The following ZNF516 variants were observed in gnomAD, a reference collection of about 807,000 sequenced individuals.
The protein encoded by ZNF516 is zinc finger protein 516.
In ZNF516, 19 loss-of-function variants were observed where a neutral mutation model predicts 79.7. The ratio of observed to expected loss-of-function variants is 0.24; its 90% CI spans 0.17 to 0.35. ZNF516 has a LOEUF of 0.35. Ranked by LOEUF, ZNF516 falls within the 10% of genes least tolerant of loss-of-function variation. ZNF516 has a pLI of 1.00. For missense variants in ZNF516, 1,678 were observed against 1,679.5 expected (o/e 1.00, Z 0.02); for synonymous variants, 877 against 739.5 (o/e 1.19, Z -3.02).
intron 2 of ZNF516, among the ~76,000 whole-genome samples, chr18:76,447,965 T>TTA (rs1029111761): frequency 1.3e-5 from 2 of 152,312 alleles, no homozygotes; most frequent in African/African-American, 4.8e-5. Flanking sequence ...TTTAAATGCC[T>TTA]TATATAATTT....
chr18:76,447,452 G>C (rs1347910391), intron 2 of ZNF516, among the ~76,000 whole-genome samples: 1 of 152,192 alleles, frequency 6.6e-6, no homozygotes, highest in Non-Finnish European at 1.5e-5. Context: ...TCCGTCCTGG[G>C]CTGCTCTATT....
At chr18:76,483,166 TG>T (rs535745295) in intron 1 of ZNF516, among the ~76,000 whole-genome samples, 1 of 152,342 alleles carries the variant, frequency 6.6e-6, no homozygotes, top group Admixed American at 6.5e-5. Flanking sequence ...CCCAGCTGCC[TG>T]CTTTGCTGGA....
At chr18:76,494,041 G>C (rs1398569421) in intron 1 of ZNF516, 3 of 152,210 alleles carry the variant, frequency 2.0e-5, no homozygotes, top group African/African-American at 7.2e-5. Flanking sequence ...TATTAACGCT[G>C]ATAATAGATG....
rs1001458687 is a variant in ZNF516, at chr18:76,473,397, C to A, written c.-271-10256G>T. ...AAAAAAAACACCTATGACTGAGGAA[C>A]TCGGAAAAGCTGGACACGTAGAGAA... On this transcript the variant is annotated intron_variant, in intron 1 of 6. Transcript: ENST00000443185. 7.7e-5 allele frequency among the ~76,000 whole-genome samples: 11 copies of A among 142,422 alleles called. 1 individual carries two copies. Among genetic ancestry groups the A allele is most frequent in the African/African-American group, 2.6e-4 (10 of 39,046 alleles). The allele number at this position is 142,422 out of a possible 152,430, so 93.4% of individuals were successfully genotyped here.
chr18:76,432,333 C>T (rs2075671439), intron 3 of ZNF516, among the ~76,000 whole-genome samples: 3 of 152,258 alleles, frequency 2.0e-5, no homozygotes, highest in Non-Finnish European at 4.4e-5. Context: ...TCATTACCTG[C>T]TCTCCCCACA....
chr18:76,380,423 C>T, intron 3 of ZNF516, 120 bp from the exon 4 acceptor site: 2 of 1,336,886 alleles, frequency 1.5e-6, no homozygotes, highest in Non-Finnish European at 1.0e-6. Flanking sequence ...AGAAGCCACC[C>T]TTGAGTCTGG....
At chr18:76,412,224 G>T (rs545234244) in intron 3 of ZNF516, among the ~76,000 whole-genome samples, 1 of 152,228 alleles carries the variant, frequency 6.6e-6, no homozygotes, top group African/African-American at 2.4e-5. Context: ...CAAGACCAGC[G>T]AAGGTCGCCG....
At chr18:76,491,640 C>A in intron 1 of ZNF516, 2 of 692,708 alleles carry the variant, frequency 2.9e-6, no homozygotes, top group Non-Finnish European at 3.5e-6. Context: ...CGGCCCTCCT[C>A]CTGGCAGCCC....
intron 3 of ZNF516, among the ~76,000 whole-genome samples, chr18:76,418,462 AAC>A (rs984156328): frequency 1.4e-5 from 2 of 147,116 alleles, no homozygotes; most frequent in Admixed American, 1.3e-4. Context: ...AACATGCTGT[AAC>A]ACGCTACAAC....
intron 2 of ZNF516, among the ~76,000 whole-genome samples, chr18:76,458,889 G>T (rs762228901): frequency 6.6e-6 from 1 of 151,476 alleles, no homozygotes; most frequent in African/African-American, 2.4e-5. Flanking sequence ...GTGTGTGTGC[G>T]TGCCTGTGTG....
intron 3 of ZNF516, 64 bp from the exon 4 acceptor site, chr18:76,380,367 G>A (rs566551994): frequency 5.3e-5 from 82 of 1,560,290 alleles, no homozygotes; most frequent in African/African-American, 9.4e-5. Context: ...CAAGACACAC[G>A]GTGCGTACAG....
Position 76,487,570 on chromosome 18 carries a change from G to A in ZNF516, c.-272+7574C>T, listed in dbSNP as rs143572135. 6.0e-3 allele frequency among the ~76,000 whole-genome samples: 918 copies of A among 152,200 alleles called. 11 individuals are homozygous for A. Among genetic ancestry groups the A allele is most frequent in the African/African-American group, 0.021 (882 of 41,520 alleles). ...TTCTTTCTTCCTCCTCCTCCCATAAGGTTAATTTTATTAATTATTCATAAA... is the reference window on the plus strand; with the variant it reads ...TTCTTTCTTCCTCCTCCTCCCATAAAGTTAATTTTATTAATTATTCATAAA... On this transcript the variant is annotated intron_variant, in intron 1 of 6. Coordinates refer to ENST00000443185, the MANE Select transcript of ZNF516 (RefSeq NM_014643.4).
At position 76,361,005 on chromosome 18, in the gene ZNF516, G is replaced by A. The variant is rs1004334729; in HGVS notation, c.*1493C>T. ...TGCTCTCGCCAGTATTAAAGGTTAG[G>A]ATAATTTCTGTACATGTAAAATTAT... On this transcript the variant is annotated 3_prime_UTR_variant, in exon 7 of 7. Coordinates refer to ENST00000443185, the MANE Select transcript of ZNF516 (RefSeq NM_014643.4). 2.0e-5 allele frequency: 3 copies of A among 151,476 alleles called. No individual in the cohort carries two copies. The highest frequency in any genetic ancestry group is 2.0e-4 in the Admixed American group (3 of 15,206). 9.4% of individuals were successfully genotyped at this position (151,476 alleles called of 1,614,324 possible). A position where few individuals can be genotyped will look rare whatever the true frequency, so the allele number is the denominator to read the frequency against.
chr18:76,362,775 G>A (rs541727304), intron 6 of ZNF516, among the ~76,000 whole-genome samples: 1 of 152,176 alleles, frequency 6.6e-6, no homozygotes, highest in African/African-American at 2.4e-5. Flanking sequence ...CTGCCTTAAA[G>A]AGAGGCAGCT....
At chr18:76,366,802 A>G (rs953225099) in intron 6 of ZNF516, among the ~76,000 whole-genome samples, 11 of 152,230 alleles carry the variant, frequency 7.2e-5, no homozygotes, top group Admixed American at 5.2e-4. Context: ...TTCCACAGCA[A>G]GTATACAAAA....
At chr18:76,489,572 G>A in intron 1 of ZNF516, among the ~76,000 whole-genome samples, 1 of 138,494 alleles carries the variant, frequency 7.2e-6, no homozygotes. Context: ...TTTGGTCTCT[G>A]GGACAACATC....
At chr18:76,404,280 G>A (rs1159836466) in intron 3 of ZNF516, among the ~76,000 whole-genome samples, 10 of 152,270 alleles carry the variant, frequency 6.6e-5, no homozygotes, top group African/African-American at 2.4e-4. Context: ...ACGCCTGGGG[G>A]AGACGACGTG....
At chr18:76,396,880 T>C (rs1599178747) in intron 3 of ZNF516, among the ~76,000 whole-genome samples, 1 of 152,284 alleles carries the variant, frequency 6.6e-6, no homozygotes. Flanking sequence ...GTAGCTATAA[T>C]ATCCACGGGG....
chr18:76,388,092 G>C (rs796677053), intron 3 of ZNF516: 1 of 152,160 alleles, frequency 6.6e-6, no homozygotes, highest in African/African-American at 2.4e-5. Context: ...CTGAACTCCA[G>C]GGGAAGATCA....
Sources: allele counts gnomAD v4.1 joint callset (sites outside exome capture counted in the v4.1 genomes callset), GRCh38; gene constraint gnomAD v4.1.1; transcripts MANE v1.5; gene names NCBI Gene and HGNC (gene_info 2026-07-23, HGNC 2026-07-21).